TMEM131L: variants seen among roughly 807,000 people sequenced by gnomAD.
TMEM131L encodes the protein transmembrane 131 like.
A neutral mutation model predicts 192.2 loss-of-function variants in TMEM131L; 54 were observed. The ratio of observed to expected loss-of-function variants is 0.28; its 90% CI spans 0.23 to 0.35. TMEM131L has a LOEUF of 0.35. Among genes scored for constraint, TMEM131L ranks in the 10% least tolerant of loss-of-function variants. The pLI is 1.00. For missense variants in TMEM131L, 1,888 were observed against 1,972.9 expected (o/e 0.96, Z 0.82); for synonymous variants, 701 against 704.9 (o/e 0.99, Z 0.09).
At chr4:153,468,479 G>T (rs1046334641) in intron 2 of TMEM131L, among the ~76,000 whole-genome samples, 7 of 151,976 alleles carry the variant, frequency 4.6e-5, no homozygotes, top group African/African-American at 1.7e-4. Flanking sequence ...TGTTTTTGAA[G>T]GTTTGGAAGA....
chr4:153,556,846 G>C, intron 5 of TMEM131L, 120 bp from the exon 6 acceptor site: 1 of 481,048 alleles, frequency 2.1e-6, no homozygotes, highest in Admixed American at 4.5e-5. Flanking sequence ...TCATAATACT[G>C]ATAAGGGTGC....
intron 4 of TMEM131L, among the ~76,000 whole-genome samples, chr4:153,552,443 A>G (rs1193162639): frequency 2.0e-5 from 3 of 152,144 alleles, no homozygotes; most frequent in Non-Finnish European, 4.4e-5. Context: ...CGTTATCCAC[A>G]TGGGATTGGA....
At chr4:153,547,582 T>G (rs972556442) in intron 3 of TMEM131L, among the ~76,000 whole-genome samples, 1 of 152,260 alleles carries the variant, frequency 6.6e-6, no homozygotes, top group African/African-American at 2.4e-5. Flanking sequence ...ATTCTCATGA[T>G]AACTATGGGG....
intron 3 of TMEM131L, among the ~76,000 whole-genome samples, chr4:153,537,112 C>G (rs1051026918): frequency 2.0e-5 from 3 of 152,206 alleles, no homozygotes; most frequent in African/African-American, 4.8e-5. Context: ...AGGATCAATA[C>G]TCTGCATCCT....
At chr4:153,496,046 G>A (rs966826442) in intron 3 of TMEM131L, among the ~76,000 whole-genome samples, 1 of 152,134 alleles carries the variant, frequency 6.6e-6, no homozygotes, top group African/African-American at 2.4e-5. Flanking sequence ...CAAGGCCTCC[G>A]AATGCCAAGC....
intron 3 of TMEM131L, among the ~76,000 whole-genome samples, chr4:153,526,143 C>T (rs536942773): frequency 4.6e-5 from 7 of 152,262 alleles, no homozygotes; most frequent in Admixed American, 3.3e-4. Flanking sequence ...AGGCGTGAGC[C>T]ACCACACCCA....
chr4:153,603,701 C>A, intron 24 of TMEM131L, 101 bp from the exon 25 acceptor site: 1 of 1,308,982 alleles, frequency 7.6e-7, no homozygotes, highest in Middle Eastern at 2.0e-4. Context: ...AAAACTTACA[C>A]TCAGTACTGA....
At chr4:153,621,905 A>C in intron 28 of TMEM131L, 56 bp downstream of exon 28, 1 of 1,535,404 alleles carries the variant, frequency 6.5e-7, no homozygotes, top group Admixed American at 1.7e-5. Flanking sequence ...TTGTTTCCTC[A>C]ATGAAGTATC....
At chr4:153,635,287 C>T (rs1403443499) in intron 33 of TMEM131L, 145 bp from the exon 34 acceptor site, 6 of 654,390 alleles carry the variant, frequency 9.2e-6, no homozygotes, top group East Asian at 2.9e-5. Context: ...GATGTTGCAA[C>T]GACTCTCCTG....
At chr4:153,562,660 A>T (rs563930904) in intron 7 of TMEM131L, among the ~76,000 whole-genome samples, 1 of 152,320 alleles carries the variant, frequency 6.6e-6, no homozygotes, top group African/African-American at 2.4e-5. Flanking sequence ...AGGGTGTGGA[A>T]GGTACCAAAG....
At chr4:153,474,972 C>G (rs759428584) in intron 3 of TMEM131L, among the ~76,000 whole-genome samples, 1 of 150,376 alleles carries the variant, frequency 6.6e-6, no homozygotes. Flanking sequence ...GGATAACTTG[C>G]AAGGACTACG....
rs1731442070 is a variant in TMEM131L at position 153,596,371 on chromosome 4, A to C, written c.2109A>C (p.Ser703=). The change falls in exon 20 of 35, where the codon TCA becomes TCC. Residue 703 remains serine, a synonymous_variant. Coordinates refer to ENST00000409959, the MANE Select transcript of TMEM131L (RefSeq NM_001131007.2). ...FTPADYGKVT[S]LILIRNNLTV... ...CTGCTGACTATGGAAAAGTTACCTC[A>C]CTCATACTAATCCGGTAGGTGTGTT... is the stretch of plus-strand genomic sequence containing the variant. 6.2e-7 allele frequency: 1 copy of C among 1,613,572 alleles called. No individual in the cohort carries two copies. Among genetic ancestry groups the C allele is most frequent in the Non-Finnish European group, 8.5e-7 (1 of 1,179,706 alleles).
chr4:153,481,846 G>GTATTAT (rs1192275063), intron 3 of TMEM131L, among the ~76,000 whole-genome samples: 1 of 151,720 alleles, frequency 6.6e-6, no homozygotes, highest in Non-Finnish European at 1.5e-5. Flanking sequence ...CCCAGAGACT[G>GTATTAT]TATTATTATT....
intron 3 of TMEM131L, among the ~76,000 whole-genome samples, chr4:153,541,881 A>G (rs1736807859): frequency 6.6e-6 from 1 of 152,244 alleles, no homozygotes; most frequent in Admixed American, 6.5e-5. Context: ...GTGGTCCCCC[A>G]GGACAGATTC....
intron 3 of TMEM131L, among the ~76,000 whole-genome samples, chr4:153,501,056 A>C (rs533061129): frequency 6.6e-6 from 1 of 152,362 alleles, no homozygotes; most frequent in African/African-American, 2.4e-5. Flanking sequence ...GAAGATTAAC[A>C]GGGTACGCCA....
rs943378090 is a variant in TMEM131L, at chr4:153,632,973, T to G, written c.4328+135T>G. On this transcript the variant is annotated intron_variant, in intron 32 of 34. Transcript: ENST00000409959. The stretch of plus-strand genomic sequence containing the variant: ...CCTTGGTGTACTTTAGCTGTGCGTT[T>G]CCTTCTGCCTTTTAGAGTTGCACTG... 4 of 957,964 alleles carry G rather than the reference T, an allele frequency of 4.2e-6. No individual in the cohort carries two copies. The African/African-American group carries it at 6.6e-5, about 16-fold the overall frequency. 59.3% of individuals were successfully genotyped at this position (957,964 alleles called of 1,614,324 possible). A position where few individuals can be genotyped will look rare whatever the true frequency, so the allele number is the denominator to read the frequency against.
intron 3 of TMEM131L, among the ~76,000 whole-genome samples, chr4:153,525,713 A>G (rs80212038): frequency 0.028 from 4,196 of 152,166 alleles, 128 homozygotes; most frequent in African/African-American, 0.083. Context: ...CTCATTTGTT[A>G]GTGGGTTTCC....
chr4:153,490,900 G>GCCGA (rs1280714093), intron 3 of TMEM131L, among the ~76,000 whole-genome samples: 2 of 146,080 alleles, frequency 1.4e-5, no homozygotes, highest in African/African-American at 5.1e-5. Flanking sequence ...GTTGCAGTGA[G>GCCGA]CCGAGATCAC....
chr4:153,588,337 G>GT (rs35057989), intron 15 of TMEM131L, among the ~76,000 whole-genome samples: 10,159 of 122,558 alleles, frequency 0.083, 1,032 homozygotes, highest in African/African-American at 0.23. Context: ...TTAAAGTATA[G>GT]TTTTTTTTTT....
Sources: allele counts gnomAD v4.1 joint callset (sites outside exome capture counted in the v4.1 genomes callset), GRCh38; gene constraint gnomAD v4.1.1; transcripts MANE v1.5; gene names NCBI Gene and HGNC (gene_info 2026-07-23, HGNC 2026-07-21).